The following PDE10A variants were observed in gnomAD, a reference collection of about 807,000 sequenced individuals.
PDE10A encodes cAMP and cAMP-inhibited cGMP 3',5'-cyclic phosphodiesterase 10A.
PDE10A carries 39 observed loss-of-function variants against 97.7 expected under a neutral mutation model. The ratio of observed to expected loss-of-function variants is 0.40; its 90% CI spans 0.31 to 0.52. PDE10A has a LOEUF of 0.52. Among genes scored for constraint, PDE10A ranks in the 20% least tolerant of loss-of-function variants. The pLI is 0.56. For synonymous variants in PDE10A, 371 were observed against 376.8 expected, an observed-to-expected ratio of 0.98 and a Z score of 0.18; for missense variants, 731 against 1,047.8, an observed-to-expected ratio of 0.70 and a Z score of 4.17.
At chr6:165,618,916 A>C (rs907584967) in intron 1 of PDE10A, among the ~76,000 whole-genome samples, 2 of 152,174 alleles carry the variant, frequency 1.3e-5, no homozygotes, top group Admixed American at 6.5e-5. Flanking sequence ...TCTCCTTCAT[A>C]TGAGAGAAGC....
intron 1 of PDE10A, among the ~76,000 whole-genome samples, chr6:165,950,268 T>G (rs1490596745): frequency 6.6e-6 from 1 of 152,240 alleles, no homozygotes; most frequent in Non-Finnish European, 1.5e-5. Context: ...AAGTACAGTC[T>G]TTGTTAAATG....
intron 1 of PDE10A, among the ~76,000 whole-genome samples, chr6:165,879,002 T>C (rs1038249057): frequency 2.6e-5 from 4 of 152,148 alleles, no homozygotes; most frequent in Admixed American, 2.0e-4. Context: ...AATAACAAAT[T>C]CACACTGTTT....
intron 18 of PDE10A, among the ~76,000 whole-genome samples, chr6:165,356,973 G>A (rs1034418454): frequency 6.6e-6 from 1 of 152,074 alleles, no homozygotes; most frequent in Non-Finnish European, 1.5e-5. Context: ...CTAGACAGAG[G>A]GGGTATTACT....
intron 1 of PDE10A, among the ~76,000 whole-genome samples, chr6:165,802,255 T>G (rs987563471): frequency 4.6e-5 from 7 of 152,156 alleles, no homozygotes; most frequent in Admixed American, 3.9e-4. Flanking sequence ...TCTTCCCACA[T>G]GACTTCTGCT....
intron 1 of PDE10A, among the ~76,000 whole-genome samples, chr6:165,607,053 T>A (rs554043263): frequency 6.6e-6 from 1 of 152,352 alleles, no homozygotes; most frequent in East Asian, 1.9e-4. Flanking sequence ...ATTTTCTTGC[T>A]TCCCAACTTA....
At chr6:165,713,973 C>G (rs951199579) in intron 1 of PDE10A, among the ~76,000 whole-genome samples, 2 of 152,142 alleles carry the variant, frequency 1.3e-5, no homozygotes, top group Non-Finnish European at 2.9e-5. Context: ...TTTAAGCCTG[C>G]CTTACTGAGG....
At chr6:165,982,709 T>A (rs1432035381) in intron 1 of PDE10A, among the ~76,000 whole-genome samples, 1 of 152,096 alleles carries the variant, frequency 6.6e-6, no homozygotes, top group Non-Finnish European at 1.5e-5. Flanking sequence ...ATGAAAAAAA[T>A]TTTCAAGTAC....
chr6:165,522,331 G>A (rs1441070521), intron 2 of PDE10A, among the ~76,000 whole-genome samples: 1 of 152,004 alleles, frequency 6.6e-6, no homozygotes, highest in African/African-American at 2.4e-5. Context: ...AGCAAAATCT[G>A]GCAAAGACAC....
At chr6:165,381,221 G>A (rs990201265) in intron 17 of PDE10A, among the ~76,000 whole-genome samples, 1 of 152,146 alleles carries the variant, frequency 6.6e-6, no homozygotes, top group Non-Finnish European at 1.5e-5. Flanking sequence ...CTACACACTG[G>A]ATATGTCATC....
chr6:165,754,137 G>A (rs902879006), intron 1 of PDE10A: 1 of 152,182 alleles, frequency 6.6e-6, no homozygotes, highest in Non-Finnish European at 1.5e-5. Flanking sequence ...CCTGCAGCAG[G>A]TTTTTTCATT....
intron 1 of PDE10A, among the ~76,000 whole-genome samples, chr6:165,580,930 A>C (rs758286059): frequency 2.0e-4 from 30 of 151,962 alleles, no homozygotes; most frequent in Non-Finnish European, 2.5e-4. Context: ...CTCCAACCCA[A>C]TGAGAAAGAA....
chr6:165,367,413 C>T (rs573927629), intron 18 of PDE10A, among the ~76,000 whole-genome samples: 1 of 151,892 alleles, frequency 6.6e-6, no homozygotes, highest in East Asian at 1.9e-4. Flanking sequence ...CCTTAATAAC[C>T]TGTAACACAG....
intron 5 of PDE10A, among the ~76,000 whole-genome samples, chr6:165,445,785 G>C (rs1790805902): frequency 6.6e-6 from 1 of 152,016 alleles, no homozygotes; most frequent in African/African-American, 2.4e-5. Context: ...TAAGTGACTA[G>C]CAGAAACAAA....
intron 1 of PDE10A, among the ~76,000 whole-genome samples, chr6:165,595,405 C>T (rs1163917096): frequency 6.6e-6 from 1 of 152,172 alleles, no homozygotes; most frequent in Non-Finnish European, 1.5e-5. Context: ...TAAAGACAGG[C>T]CTGTAGAACA....
intron 1 of PDE10A, among the ~76,000 whole-genome samples, chr6:165,589,373 C>G (rs1786111664): frequency 6.6e-6 from 1 of 152,088 alleles, no homozygotes; most frequent in South Asian, 2.1e-4. Flanking sequence ...TTTAGTTGTT[C>G]TCTTAAAGAT....
intron 1 of PDE10A, among the ~76,000 whole-genome samples, chr6:165,760,866 T>G (rs1793232205): frequency 6.6e-6 from 1 of 152,190 alleles, no homozygotes; most frequent in African/African-American, 2.4e-5. Flanking sequence ...CAGCTCCAAC[T>G]GCTTCAAAGC....
At position 165,339,369 on chromosome 6, in the gene PDE10A, TG is replaced by T; in HGVS notation, c.2896-12del. The stretch of plus-strand genomic sequence containing the variant: ...CTTCATTTCATCACCCTAAGATGAA[TG>T]GGGAGAAAATCATGCTTTCTCAAAT... On this transcript the variant is annotated splice_polypyrimidine_tract_variant and intron_variant, in intron 19 of 21. Transcript: ENST00000539869. 6.7e-7 allele frequency: 1 copy of T among 1,491,026 alleles called. No homozygotes were observed. Among genetic ancestry groups the T allele is most frequent in the Non-Finnish European group, 9.4e-7 (1 of 1,068,264 alleles). 92.4% of individuals were successfully genotyped at this position (1,491,026 alleles called of 1,614,324 possible).
chr6:165,539,069 A>G (rs889179137), intron 2 of PDE10A, among the ~76,000 whole-genome samples: 59 of 152,154 alleles, frequency 3.9e-4, no homozygotes, highest in Admixed American at 2.0e-3. Flanking sequence ...CTGAGGATGT[A>G]TCGGCTTTAA....
At chr6:165,603,486 T>C (rs532363453) in intron 1 of PDE10A, among the ~76,000 whole-genome samples, 4 of 152,298 alleles carry the variant, frequency 2.6e-5, no homozygotes, top group African/African-American at 9.6e-5. Context: ...ACATAGGAAA[T>C]AGCTATATAA....
Sources: allele counts gnomAD v4.1 joint callset (sites outside exome capture counted in the v4.1 genomes callset), GRCh38; gene constraint gnomAD v4.1.1; transcripts MANE v1.5; gene names NCBI Gene and HGNC (gene_info 2026-07-23, HGNC 2026-07-21).